GRIK3: variants seen among roughly 807,000 people sequenced by gnomAD.
The protein encoded by GRIK3 is glutamate receptor ionotropic, kainate 3.
GRIK3 carries 29 observed loss-of-function variants against 102.5 expected under a neutral mutation model. The observed-to-expected ratio is 0.28, with a 90% CI of 0.21 to 0.39. The LOEUF (loss-of-function observed/expected upper bound fraction) is 0.39. Among genes scored for constraint, GRIK3 ranks in the 10% least tolerant of loss-of-function variants. The pLI is 1.00. For missense variants in GRIK3, 908 were observed against 1,252.4 expected (o/e 0.73, Z 4.15); for synonymous variants, 511 against 504.9 (o/e 1.01, Z -0.16).
intron 1 of GRIK3, among the ~76,000 whole-genome samples, chr1:36,949,143 T>C (rs1444147733): frequency 6.6e-6 from 1 of 152,246 alleles, no homozygotes; most frequent in Non-Finnish European, 1.5e-5. Flanking sequence ...AGGACCTGCC[T>C]GGCTCCACAA....
intron 1 of GRIK3, among the ~76,000 whole-genome samples, chr1:37,008,098 C>G (rs886800543): frequency 1.1e-4 from 16 of 152,236 alleles, no homozygotes; most frequent in Non-Finnish European, 1.9e-4. Flanking sequence ...CATATGTCCC[C>G]TCCCAGCACG....
intron 14 of GRIK3, 36 bp from the exon 15 acceptor site, chr1:36,805,273 C>T (rs1410786884): frequency 1.3e-6 from 2 of 1,572,344 alleles, no homozygotes; most frequent in Non-Finnish European, 1.7e-6. Flanking sequence ...CCATCAGTGG[C>T]GTGTGGCCCA....
chr1:36,810,536 T>C (rs1160334785), intron 13 of GRIK3, among the ~76,000 whole-genome samples: 3 of 152,232 alleles, frequency 2.0e-5, no homozygotes, highest in South Asian at 4.1e-4. Context: ...ATACTTAATC[T>C]TGAGAATTTA....
intron 13 of GRIK3, among the ~76,000 whole-genome samples, chr1:36,807,191 G>T (rs1446265627): frequency 1.3e-5 from 2 of 152,164 alleles, no homozygotes; most frequent in Non-Finnish European, 2.9e-5. Flanking sequence ...ACCAGGTCCA[G>T]TTGGTAGGAT....
rs952762431 is a variant in GRIK3, at chr1:36,841,628, T to C, written c.1530+108A>G. The C allele has an allele frequency of 2.1e-5, 19 of 921,188 alleles. No homozygotes were observed. In the Admixed American group the frequency reaches 3.5e-4, roughly 17 times the overall value. 57.1% of individuals were successfully genotyped at this position (921,188 alleles called of 1,614,324 possible). A position where few individuals can be genotyped will look rare whatever the true frequency, so the allele number is the denominator to read the frequency against. On this transcript the variant is annotated intron_variant, in intron 10 of 15. Coordinates refer to ENST00000373091, the MANE Select transcript of GRIK3 (RefSeq NM_000831.4). The stretch of plus-strand genomic sequence containing the variant: ...TTGCAGCATTCATCTCCATCACTCC[T>C]GTCCCCAGGGCCTTTTTCTGCCAGG...
rs565846167 is a variant in GRIK3, at chr1:37,021,645, A to G, written c.115+12349T>C. On this transcript the variant is annotated intron_variant, in intron 1 of 15. Coordinates refer to ENST00000373091, the MANE Select transcript of GRIK3 (RefSeq NM_000831.4). Reference sequence around the variant, plus strand: ...GTCACCTCTATTAAACTGGGCAGGAAAAATGGTCATGTAGGCAACAGGCTC... The same window carrying G: ...GTCACCTCTATTAAACTGGGCAGGAGAAATGGTCATGTAGGCAACAGGCTC... Among the ~76,000 whole-genome samples, 15 of 152,342 alleles carry G rather than the reference A, an allele frequency of 9.8e-5. No homozygotes were observed. In the East Asian group the frequency reaches 2.9e-3, roughly 29 times the overall value.
intron 1 of GRIK3, among the ~76,000 whole-genome samples, chr1:36,998,709 C>T (rs1025833872): frequency 2.0e-5 from 3 of 152,152 alleles, no homozygotes; most frequent in Non-Finnish European, 4.4e-5. Flanking sequence ...GAGAAGCCCC[C>T]TTTACTTCAC....
At chr1:36,958,258 C>G (rs1641949740) in intron 1 of GRIK3, among the ~76,000 whole-genome samples, 1 of 79,174 alleles carries the variant, frequency 1.3e-5, no homozygotes, top group African/African-American at 5.7e-5. Flanking sequence ...TCCCATGACT[C>G]TGTGCCCCGT....
intron 1 of GRIK3, among the ~76,000 whole-genome samples, chr1:36,992,560 G>C (rs927082469): frequency 1.3e-5 from 2 of 152,200 alleles, no homozygotes; most frequent in African/African-American, 4.8e-5. Context: ...TAAAGGGGAA[G>C]GCAAAGAGGG....
chr1:36,980,660 G>A (rs987848878), intron 1 of GRIK3, among the ~76,000 whole-genome samples: 11 of 151,890 alleles, frequency 7.2e-5, no homozygotes, highest in Admixed American at 2.6e-4. Context: ...CCAGGGTCCC[G>A]CAAGGTCTGG....
At chr1:36,846,558 G>A (rs1354395239) in intron 9 of GRIK3, among the ~76,000 whole-genome samples, 1 of 152,302 alleles carries the variant, frequency 6.6e-6, no homozygotes, top group East Asian at 1.9e-4. Context: ...GTCACTCAAA[G>A]CACTGTTGCC....
At chr1:36,864,598 C>T (rs1247514288) in intron 5 of GRIK3, among the ~76,000 whole-genome samples, 1 of 152,168 alleles carries the variant, frequency 6.6e-6, no homozygotes, top group Non-Finnish European at 1.5e-5. Flanking sequence ...GTGGAACCAG[C>T]CCTTCTGGTC....
intron 5 of GRIK3, among the ~76,000 whole-genome samples, chr1:36,861,451 G>C (rs1214878725): frequency 6.6e-6 from 1 of 152,158 alleles, no homozygotes; most frequent in African/African-American, 2.4e-5. Context: ...ATCTGGTGCT[G>C]GGAAGGAGAG....
intron 1 of GRIK3, among the ~76,000 whole-genome samples, chr1:36,999,694 C>T (rs6691717): frequency 0.04 from 6,125 of 152,266 alleles, 406 homozygotes; most frequent in African/African-American, 0.14. Flanking sequence ...GCAGGGCAGG[C>T]ACCAATCACA....
At chr1:37,000,200 A>C (rs1189981807) in intron 1 of GRIK3, among the ~76,000 whole-genome samples, 1 of 152,226 alleles carries the variant, frequency 6.6e-6, no homozygotes. Flanking sequence ...GATGACCTTC[A>C]GAAGTCCACT....
At chr1:36,991,249 C>T (rs1267919177) in intron 1 of GRIK3, among the ~76,000 whole-genome samples, 1 of 152,196 alleles carries the variant, frequency 6.6e-6, no homozygotes, top group African/African-American at 2.4e-5. Flanking sequence ...ATCATAGGTG[C>T]ATCATAAATG....
chr1:36,970,562 G>A (rs1471022955), intron 1 of GRIK3, among the ~76,000 whole-genome samples: 2 of 152,204 alleles, frequency 1.3e-5, no homozygotes, highest in South Asian at 4.1e-4. Context: ...AAGGATGGAT[G>A]GGTGGATGAA....
intron 7 of GRIK3, among the ~76,000 whole-genome samples, chr1:36,858,810 G>A (rs536230741): frequency 1.2e-4 from 19 of 152,192 alleles, no homozygotes; most frequent in Non-Finnish European, 2.2e-4. Context: ...GTCATACAGC[G>A]AGGAAGCAAA....
At chr1:37,006,387 C>T (rs74803474) in intron 1 of GRIK3, among the ~76,000 whole-genome samples, 4,608 of 152,346 alleles carry the variant, frequency 0.03, 249 homozygotes, top group African/African-American at 0.11. Flanking sequence ...TGCAGAAATG[C>T]TCCCCTGATT....
Sources: allele counts gnomAD v4.1 joint callset (sites outside exome capture counted in the v4.1 genomes callset), GRCh38; gene constraint gnomAD v4.1.1; transcripts MANE v1.5; gene names NCBI Gene and HGNC (gene_info 2026-07-23, HGNC 2026-07-21).